The following TMEM132D variants were observed in gnomAD, a reference collection of about 807,000 sequenced individuals.
TMEM132D encodes mature OL transmembrane protein.
A neutral mutation model predicts 62.3 loss-of-function variants in TMEM132D; 21 were observed. The ratio of observed to expected loss-of-function variants is 0.34; its 90% CI spans 0.24 to 0.49. The LOEUF (loss-of-function observed/expected upper bound fraction) is 0.49. Ranked by LOEUF, TMEM132D falls within the 20% of genes least tolerant of loss-of-function variation. The pLI is 0.99. For missense variants in TMEM132D, 1,346 were observed against 1,402.8 expected, an observed-to-expected ratio of 0.96 and a Z score of 0.65; for synonymous variants, 621 against 575.6, an observed-to-expected ratio of 1.08 and a Z score of -1.13.
chr12:129,420,304 C>CTTT (rs1566063045), intron 3 of TMEM132D, among the ~76,000 whole-genome samples: 1 of 69,886 alleles, frequency 1.4e-5, no homozygotes, highest in Admixed American at 1.9e-4. Flanking sequence ...TGCACGTTCT[C>CTTT]TGTTTTTTTT....
intron 2 of TMEM132D, among the ~76,000 whole-genome samples, chr12:129,550,278 A>T (rs927748321): frequency 6.6e-6 from 1 of 152,200 alleles, no homozygotes; most frequent in African/African-American, 2.4e-5. Context: ...TGAAAGAGCA[A>T]CTTATGGATT....
chr12:129,568,946 G>T lies in TMEM132D; in HGVS notation c.969-37741C>A, dbSNP rs150745298. ...GCATCCATAAGAGTCACCTGGGAGG[G>T]ATTAAATCACAGAAGGTTGGGCCCC... is the stretch of plus-strand genomic sequence containing the variant. On this transcript the variant is annotated intron_variant, in intron 2 of 8. Transcript: ENST00000422113. Among the ~76,000 whole-genome samples the T allele has an allele frequency of 4.8e-4, 73 of 152,262 alleles. 1 individual carries two copies. Among genetic ancestry groups the T allele is most frequent in the Admixed American group, 2.4e-3 (37 of 15,288 alleles).
At chr12:129,270,262 CA>C (rs1330228639) in intron 4 of TMEM132D, among the ~76,000 whole-genome samples, 1 of 152,144 alleles carries the variant, frequency 6.6e-6, no homozygotes, top group African/African-American at 2.4e-5. Flanking sequence ...AGCAAAGCTA[CA>C]AAGCTATATT....
At chr12:129,330,314 G>T (rs1208519916) in intron 4 of TMEM132D, among the ~76,000 whole-genome samples, 3 of 152,172 alleles carry the variant, frequency 2.0e-5, no homozygotes, top group Non-Finnish European at 4.4e-5. Context: ...GGGTTTACTG[G>T]AGTCTAGCAG....
chr12:129,676,287 CTATT>C (rs1880629162), intron 2 of TMEM132D, among the ~76,000 whole-genome samples: 1 of 152,162 alleles, frequency 6.6e-6, no homozygotes, highest in Non-Finnish European at 1.5e-5. Context: ...GTCTGTCTAC[CTATT>C]TATCTATCTA....
chr12:129,335,347 A>G (rs141324891), intron 4 of TMEM132D, among the ~76,000 whole-genome samples: 2,607 of 151,872 alleles, frequency 0.017, 66 homozygotes, highest in African/African-American at 0.06. Context: ...CATGTTGGTC[A>G]AGCTGGTCTT....
chr12:129,726,905 G>A (rs1386499873), intron 1 of TMEM132D, among the ~76,000 whole-genome samples: 1 of 152,154 alleles, frequency 6.6e-6, no homozygotes, highest in Admixed American at 6.5e-5. Flanking sequence ...TGAGAGGAGT[G>A]AGCTATAGCA....
chr12:129,418,507 C>T (rs946163627), intron 3 of TMEM132D, among the ~76,000 whole-genome samples: 4 of 151,704 alleles, frequency 2.6e-5, no homozygotes, highest in Non-Finnish European at 5.9e-5. Context: ...GGGAGTTGAA[C>T]AATGAGAACA....
chr12:129,463,997 G>C (rs546499101), intron 3 of TMEM132D, among the ~76,000 whole-genome samples: 30 of 150,414 alleles, frequency 2.0e-4, no homozygotes, highest in African/African-American at 7.1e-4. Flanking sequence ...CCCAGTAATG[G>C]GATGGCTGGG....
chr12:129,236,042 C>T (rs1879771251), intron 4 of TMEM132D, among the ~76,000 whole-genome samples: 1 of 151,348 alleles, frequency 6.6e-6, no homozygotes, highest in Non-Finnish European at 1.5e-5. Context: ...TGTTACAGTT[C>T]TCAGTGTACA....
At chr12:129,267,063 T>A (rs1349295510) in intron 4 of TMEM132D, among the ~76,000 whole-genome samples, 1 of 152,196 alleles carries the variant, frequency 6.6e-6, no homozygotes, top group Non-Finnish European at 1.5e-5. Context: ...AGCCCCTTCC[T>A]AAGTCTCTGG....
intron 1 of TMEM132D, among the ~76,000 whole-genome samples, chr12:129,783,806 C>T (rs778421071): frequency 2.0e-5 from 3 of 152,200 alleles, no homozygotes; most frequent in Admixed American, 6.5e-5. Flanking sequence ...AATGCTTGCT[C>T]GCTGTAAGTT....
chr12:129,244,385 C>CAAAAAAAAAAAAAAAAAAA (rs751155633), intron 4 of TMEM132D, among the ~76,000 whole-genome samples: 1 of 85,188 alleles, frequency 1.2e-5, no homozygotes, highest in Non-Finnish European at 2.4e-5. Flanking sequence ...GACTCTGTCT[C>CAAAAAAAAAAAAAAAAAAA]AAAAAAAAAA....
At chr12:129,689,067 T>C (rs1253905623) in intron 2 of TMEM132D, among the ~76,000 whole-genome samples, 1 of 152,156 alleles carries the variant, frequency 6.6e-6, no homozygotes, top group African/African-American at 2.4e-5. Flanking sequence ...CGTCCTACAA[T>C]GCACAGACTA....
At chr12:129,522,114 TCA>T (rs1283228196) in intron 3 of TMEM132D, among the ~76,000 whole-genome samples, 4 of 152,208 alleles carry the variant, frequency 2.6e-5, no homozygotes, top group African/African-American at 7.2e-5. Flanking sequence ...CTAACTGATG[TCA>T]GTTAGTCACC....
chr12:129,228,990 C>G (rs1003075772), intron 4 of TMEM132D, among the ~76,000 whole-genome samples: 6 of 152,204 alleles, frequency 3.9e-5, no homozygotes, highest in African/African-American at 1.4e-4. Context: ...TGTGGCCTCT[C>G]TCCTCTTCTC....
At chr12:129,900,822 G>T (rs1593204521) in intron 1 of TMEM132D, among the ~76,000 whole-genome samples, 1 of 152,256 alleles carries the variant, frequency 6.6e-6, no homozygotes, top group Non-Finnish European at 1.5e-5. Context: ...AAAATTAGGG[G>T]CCATAGGACA....
intron 5 of TMEM132D, among the ~76,000 whole-genome samples, chr12:129,097,568 A>C (rs1196655933): frequency 2.0e-5 from 3 of 152,244 alleles, no homozygotes; most frequent in Non-Finnish European, 1.5e-5. Context: ...GAGAAATAAC[A>C]GGAGAAGGGA....
intron 3 of TMEM132D, among the ~76,000 whole-genome samples, chr12:129,524,301 C>A (rs1593050320): frequency 1.3e-5 from 2 of 151,872 alleles, no homozygotes; most frequent in South Asian, 4.2e-4. Flanking sequence ...GCCATCTATA[C>A]CTGTATTAAC....
Sources: gnomAD v4.1 joint callset for allele counts (sites outside exome capture counted in the v4.1 genomes callset) on GRCh38, gnomAD v4.1.1 for gene constraint, MANE v1.5 for transcripts, NCBI Gene and HGNC (gene_info 2026-07-23, HGNC 2026-07-21) for gene names.